Variants in EXTL3 observed in about 807,000 individuals in gnomAD.
EXTL3 encodes exostosin like glycosyltransferase 3, also known as exostosin-like 3.
A neutral mutation model predicts 69.3 loss-of-function variants in EXTL3; 27 were observed. That is an observed-to-expected ratio of 0.39 (90% CI 0.29 to 0.54). The LOEUF (loss-of-function observed/expected upper bound fraction) is 0.54. Among genes scored for constraint, EXTL3 ranks in the 20% least tolerant of loss-of-function variants. EXTL3 has a pLI of 0.69. For synonymous variants in EXTL3, 511 were observed against 499.4 expected, an observed-to-expected ratio of 1.02 and a Z score of -0.31; for missense variants, 1,003 against 1,231.8, an observed-to-expected ratio of 0.81 and a Z score of 2.78.
intron 3 of EXTL3, among the ~76,000 whole-genome samples, chr8:28,729,292 CAAA>C (rs72487306): frequency 4.1e-5 from 3 of 74,044 alleles, no homozygotes; most frequent in African/African-American, 5.9e-5. Flanking sequence ...GACTCTATCT[CAAA>C]AAAAAAAAAA....
chr8:28,716,756 G>T lies in EXTL3; in HGVS notation c.697G>T (p.Asp233Tyr), dbSNP rs147818144. 2.8e-5 allele frequency: 46 copies of T among 1,614,268 alleles called. No homozygotes were observed. In the African/African-American group the frequency reaches 6.0e-4, roughly 21 times the overall value. The change falls in exon 3 of 7, where the codon GAC becomes TAC. Residue 233 changes from aspartate to tyrosine, a missense_variant. Transcript: ENST00000220562. This position sits in a 1 kb window ranked among gnomAD's most constrained non-coding sequence, Gnocchi z 7.1. ...TAACGTTTATGTTACAGAAAATGCAGACATCGCCTGCCTTTACGTGATACT... is the reference window on the plus strand; with the variant it reads ...TAACGTTTATGTTACAGAAAATGCATACATCGCCTGCCTTTACGTGATACT... ...RANVYVTENA[D>Y]IACLYVILVG... is the part of the protein sequence containing the mutation.
intron 4 of EXTL3, among the ~76,000 whole-genome samples, chr8:28,733,021 G>A (rs978279316): frequency 1.9e-4 from 29 of 151,844 alleles, no homozygotes; most frequent in African/African-American, 7.0e-4. Context: ...CATGAGCCAC[G>A]GTGCCCAGCC....
At chr8:28,611,174 T>C (rs1373377341) in intron 2 of EXTL3, among the ~76,000 whole-genome samples, 1 of 152,174 alleles carries the variant, frequency 6.6e-6, no homozygotes, top group East Asian at 1.9e-4. Context: ...TTAGGATGGG[T>C]GCAGTGGCTC....
upstream of EXTL3, chr8:28,700,975 T>G (rs945122053): frequency 6.6e-6 from 1 of 152,286 alleles, no homozygotes; most frequent in East Asian, 1.9e-4. Flanking sequence ...TAACCTGTTG[T>G]TTTTGCAAAG....
chr8:28,746,302 G>A (rs370543172), intron 6 of EXTL3, among the ~76,000 whole-genome samples: 1 of 152,136 alleles, frequency 6.6e-6, no homozygotes, highest in East Asian at 1.9e-4. Context: ...TTTGCAAGGA[G>A]AACACAGAAT....
chr8:28,648,817 G>A (rs922806577), intron 1 of EXTL3, among the ~76,000 whole-genome samples: 18 of 152,194 alleles, frequency 1.2e-4, no homozygotes, highest in Admixed American at 1.0e-3. Flanking sequence ...CTGGGCTCAA[G>A]GGATCCTCCC....
At chr8:28,718,237 TG>T (rs1479719098) in intron 3 of EXTL3, 30 bp downstream of exon 3, 1 of 1,601,858 alleles carries the variant, frequency 6.2e-7, no homozygotes, top group East Asian at 2.2e-5. Flanking sequence ...TTCGTTTTGG[TG>T]CATGAAATAG....
chr8:28,662,100 G>T (rs1807126096), intron 1 of EXTL3, among the ~76,000 whole-genome samples: 1 of 151,872 alleles, frequency 6.6e-6, no homozygotes, highest in Non-Finnish European at 1.5e-5. Context: ...ACAGAAACCT[G>T]TTACATTATT....
chr8:28,716,549 G>A lies in EXTL3; in HGVS notation c.490G>A (p.Asp164Asn), dbSNP rs929998739. Residue 164 changes from aspartate (D) to asparagine (N), a missense_variant, in exon 3 of 7, where the codon GAC becomes AAC. Coordinates refer to ENST00000220562, the MANE Select transcript of EXTL3 (RefSeq NM_001440.4). This position sits in a 1 kb window ranked among gnomAD's most constrained non-coding sequence, Gnocchi z 7.1. ...SLPIRLLPEK[D>N]DAGLPPPKAT... ...GCCCATCCGACTGCTCCCAGAGAAG[G>A]ACGATGCCGGCCTCCCTCCCCCGAA... 2.5e-6 allele frequency: 4 copies of A among 1,614,032 alleles called. No homozygotes were observed. In the African/African-American group the frequency reaches 5.3e-5, roughly 22 times the overall value.
At chr8:28,685,600 T>C (rs1436518712) in intron 1 of EXTL3, among the ~76,000 whole-genome samples, 1 of 152,160 alleles carries the variant, frequency 6.6e-6, no homozygotes, top group Non-Finnish European at 1.5e-5. Flanking sequence ...AGGGCTGGGA[T>C]TACAGGCACA....
chr8:28,680,836 T>C (rs530653595), intron 1 of EXTL3, among the ~76,000 whole-genome samples: 3 of 152,198 alleles, frequency 2.0e-5, no homozygotes, highest in Non-Finnish European at 4.4e-5. Context: ...CTTATTTCAC[T>C]TAGCATAATG....
chr8:28,724,815 G>A (rs1309159303), intron 3 of EXTL3, among the ~76,000 whole-genome samples: 6 of 151,916 alleles, frequency 3.9e-5, no homozygotes, highest in African/African-American at 4.8e-5. Flanking sequence ...TAATAATGAT[G>A]ATGATGATGT....
Position 28,731,232 on chromosome 8 carries a change from A to C in EXTL3, c.2158A>C (p.Thr720Pro). 6.2e-7 allele frequency: 1 copy of C among 1,614,212 alleles called. No homozygotes were observed. Among genetic ancestry groups the C allele is most frequent in the Non-Finnish European group, 8.5e-7 (1 of 1,180,022 alleles). Reference protein sequence around the residue: ...DIGVPIMVVRTEKNSLNNRFL... With the variant: ...DIGVPIMVVRPEKNSLNNRFL... ...TCCTTCCTCATCACAGGTGGTCCGT[A>C]CTGAGAAGAACAGTTTGAACAACCG... Residue 720 changes from threonine to proline, a missense_variant, in exon 4 of 7, where the codon ACT becomes CCT. By Grantham distance (38) the Thr-to-Pro change is conservative. Around this residue, in one of 2 missense-constraint regions of EXTL3, gnomAD observed 261 missense variants for 416.4 expected, o/e 0.63. Coordinates refer to ENST00000220562, the MANE Select transcript of EXTL3 (RefSeq NM_001440.4).
intron 1 of EXTL3, among the ~76,000 whole-genome samples, chr8:28,642,133 C>T (rs1362389929): frequency 4.6e-5 from 7 of 152,186 alleles, no homozygotes; most frequent in East Asian, 3.9e-4. Context: ...CCGTGCCCGG[C>T]CTTTTTTAAT....
chr8:28,664,223 T>G (rs1807159144), intron 1 of EXTL3, among the ~76,000 whole-genome samples: 1 of 152,306 alleles, frequency 6.6e-6, no homozygotes, highest in East Asian at 1.9e-4. Context: ...CTCACCATTC[T>G]GGAGGATGGA....
At position 28,716,040 on chromosome 8, in the gene EXTL3, G is replaced by A. The variant is rs1170234453; in HGVS notation, c.-20G>A. 1.9e-6 allele frequency: 3 copies of A among 1,586,634 alleles called. No homozygotes were observed. The Admixed American group carries it at 5.0e-5, about 27-fold the overall frequency. ...GGCGAGTGACCCGACGTGATCTGGG[G>A]GGCAGGCTGCAGAGGACTCATGACA... is the stretch of plus-strand genomic sequence containing the variant. On this transcript the variant is annotated 5_prime_UTR_variant, in exon 3 of 7. Coordinates refer to ENST00000220562, the MANE Select transcript of EXTL3 (RefSeq NM_001440.4). The surrounding 1 kb of genome is among the most constrained non-coding windows in gnomAD (Gnocchi z 7.1).
chr8:28,705,557 TA>T (rs879318621), intron 1 of EXTL3, among the ~76,000 whole-genome samples: 1,955 of 136,328 alleles, frequency 0.014, 21 homozygotes, highest in African/African-American at 0.033. Context: ...CCCTGTCTCT[TA>T]AAAAAAAAAA....
chr8:28,645,809 A>G (rs1307922953), intron 1 of EXTL3, among the ~76,000 whole-genome samples: 2 of 146,858 alleles, frequency 1.4e-5, no homozygotes, highest in African/African-American at 2.5e-5. Flanking sequence ...GATTACAAGC[A>G]TGAGCCACTG....
intron 3 of EXTL3, among the ~76,000 whole-genome samples, chr8:28,720,831 C>T (rs1801278952): frequency 6.6e-6 from 1 of 152,188 alleles, no homozygotes; most frequent in African/African-American, 2.4e-5. Context: ...GATCAGGTCC[C>T]TTAGCTCCTG....
Sources: gnomAD v4.1 joint callset for allele counts (sites outside exome capture counted in the v4.1 genomes callset) on GRCh38, gnomAD v4.1.1 for gene constraint, gnomAD v4.1.1 regional missense constraint, Gnocchi (gnomAD v3.1) non-coding constraint, MANE v1.5 for transcripts, NCBI Gene and HGNC (gene_info 2026-07-23, HGNC 2026-07-21) for gene names.